The following MCPH1 variants were observed in gnomAD, a reference collection of about 807,000 sequenced individuals.
MCPH1 encodes microcephalin 1.
In MCPH1, 104 loss-of-function variants were observed where a neutral mutation model predicts 84.5. That is an observed-to-expected ratio of 1.23 (90% CI 1.05 to 1.45). The LOEUF (loss-of-function observed/expected upper bound fraction) is 1.45, where lower values mean the gene tolerates loss of function less well. Ranked by LOEUF, MCPH1 falls within the 40% of genes most tolerant of loss-of-function variation. The probability of loss-of-function intolerance (pLI) is 0.00; values close to 1 mark genes in which losing one functional copy is unlikely to be tolerated. For missense variants in MCPH1, 1,498 were observed against 1,005.7 expected (o/e 1.49, Z -6.62); for synonymous variants, 514 against 366.8 (o/e 1.40, Z -4.58).
At chr8:6,566,573 T>C (rs1448564985) in intron 12 of MCPH1, among the ~76,000 whole-genome samples, 1 of 152,110 alleles carries the variant, frequency 6.6e-6, no homozygotes, top group Admixed American at 6.5e-5. Flanking sequence ...ACGGTGACCA[T>C]GTGTGATCAG....
intron 12 of MCPH1, among the ~76,000 whole-genome samples, chr8:6,617,824 G>A (rs1200026261): frequency 2.0e-5 from 3 of 152,040 alleles, no homozygotes; most frequent in Non-Finnish European, 2.9e-5. Flanking sequence ...CTATAGGCAT[G>A]TGACACCATG....
chr8:6,562,908 C>G (rs760933327), intron 12 of MCPH1: 2 of 1,598,252 alleles, frequency 1.3e-6, no homozygotes, highest in East Asian at 4.5e-5. Flanking sequence ...GATCACAGCT[C>G]AGAGTAAAGA....
chr8:6,526,363 G>C (rs1818338605), intron 12 of MCPH1, among the ~76,000 whole-genome samples: 1 of 151,590 alleles, frequency 6.6e-6, no homozygotes, highest in Non-Finnish European at 1.5e-5. Context: ...GAGCCCAGGA[G>C]GTTGAGGATG....
rs1402984976 is a variant in MCPH1, at chr8:6,644,056, G to A, written c.*1007G>A. 6.6e-6 allele frequency: 1 copy of A among 152,294 alleles called. No homozygotes were observed. The highest frequency in any genetic ancestry group is 1.5e-5 in the Non-Finnish European group (1 of 68,134). The allele number at this position is 152,294 out of a possible 1,614,324, so 9.4% of individuals were successfully genotyped here. A position where few individuals can be genotyped will look rare whatever the true frequency, so the allele number is the denominator to read the frequency against. On this transcript the variant is annotated 3_prime_UTR_variant, in exon 14 of 14. Transcript: ENST00000344683. ...ACTTGAGGTCAGGAGTTCGAGACCAGCCTGACCAACGCAGCAAAACCCATC... is the reference window on the plus strand; with the variant it reads ...ACTTGAGGTCAGGAGTTCGAGACCAACCTGACCAACGCAGCAAAACCCATC...
rs1387377722 is a variant in MCPH1, at chr8:6,489,721, G to A, written c.2136+8845G>A. ...TGGGGCACTGTGAAGTGTGACTCGAGCCTTCTCGTGTTGCCAACTGCAACA... is the reference window on the plus strand; with the variant it reads ...TGGGGCACTGTGAAGTGTGACTCGAACCTTCTCGTGTTGCCAACTGCAACA... On this transcript the variant is annotated intron_variant, in intron 11 of 13. Coordinates refer to ENST00000344683, the MANE Select transcript of MCPH1 (RefSeq NM_024596.5). Among the ~76,000 whole-genome samples, 4 of 152,306 alleles carry A rather than the reference G, an allele frequency of 2.6e-5. 1 individual carries two copies. In the East Asian group the frequency reaches 5.8e-4, roughly 22 times the overall value.
At position 6,644,906 on chromosome 8, in the gene MCPH1, T is replaced by A. The variant is rs1393357176; in HGVS notation, c.*1857T>A. ...AGAAACTGGAAATAATGAAGGGTTG[T>A]CTCTTGGTTTTAAAATAATGTATAC... is the stretch of plus-strand genomic sequence containing the variant. On this transcript the variant is annotated 3_prime_UTR_variant, in exon 14 of 14. Transcript: ENST00000344683. 6.6e-6 allele frequency: 1 copy of A among 152,180 alleles called. No homozygotes were observed. Among genetic ancestry groups the A allele is most frequent in the African/African-American group, 2.4e-5 (1 of 41,430 alleles). 9.4% of individuals were successfully genotyped at this position (152,180 alleles called of 1,614,324 possible). A position where few individuals can be genotyped will look rare whatever the true frequency, so the allele number is the denominator to read the frequency against.
intron 12 of MCPH1, among the ~76,000 whole-genome samples, chr8:6,607,612 ATGGGAGGGAACCAG>A (rs781426700): frequency 4.9e-4 from 75 of 152,304 alleles, no homozygotes; most frequent in South Asian, 2.3e-3. Flanking sequence ...CCCATGTGTT[ATGGGAGGGAACCAG>A]TGGGAGATAA....
At chr8:6,448,864 C>G (rs903065689) in intron 8 of MCPH1, among the ~76,000 whole-genome samples, 1 of 151,980 alleles carries the variant, frequency 6.6e-6, no homozygotes, top group African/African-American at 2.4e-5. Context: ...GAGACCAAAT[C>G]GAGGTATGTA....
Position 6,570,802 on chromosome 8 carries a change from TG to T in MCPH1, c.2215-50651del, listed in dbSNP as rs1316861910. The stretch of plus-strand genomic sequence containing the variant: ...ATGACATTTGGAGCAGATGGATTGT[TG>T]TTTTTTTTTTTTTTTTTTTTTTTAA... On this transcript the variant is annotated intron_variant, in intron 12 of 13. Coordinates refer to ENST00000344683, the MANE Select transcript of MCPH1 (RefSeq NM_024596.5). Among the ~76,000 whole-genome samples, 505 of 83,426 alleles carry T rather than the reference TG, an allele frequency of 6.1e-3. 1 individual carries two copies. The highest frequency in any genetic ancestry group is 0.027 in the African/African-American group (457 of 16,700). The allele number at this position is 83,426 out of a possible 152,430, so 54.7% of individuals were successfully genotyped here.
rs146833144 is a variant in MCPH1, at chr8:6,590,502, G to A, written c.2215-30952G>A. On this transcript the variant is annotated intron_variant, in intron 12 of 13. Transcript: ENST00000344683. ...CTCAAACTCATGTCAGATGCCCCTC[G>A]GCCACTAGACAGAATCTGCTGCTAT... is the stretch of plus-strand genomic sequence containing the variant. 5.4e-4 allele frequency among the ~76,000 whole-genome samples: 82 copies of A among 152,196 alleles called. No individual in the cohort carries two copies. In the East Asian group the frequency reaches 0.01, roughly 19 times the overall value.
chr8:6,483,964 T>G (rs1053538749), intron 11 of MCPH1, among the ~76,000 whole-genome samples: 5 of 152,018 alleles, frequency 3.3e-5, no homozygotes, highest in African/African-American at 1.2e-4. Flanking sequence ...TAGACAAAAT[T>G]TAAAGGTATA....
intron 9 of MCPH1, among the ~76,000 whole-genome samples, chr8:6,466,078 C>T (rs1416680479): frequency 6.6e-6 from 1 of 151,646 alleles, no homozygotes; most frequent in Non-Finnish European, 1.5e-5. Context: ...CCTCAGCCTC[C>T]CGAGTAGCTG....
At chr8:6,587,487 A>G (rs893305129) in intron 12 of MCPH1, among the ~76,000 whole-genome samples, 13 of 152,192 alleles carry the variant, frequency 8.5e-5, no homozygotes, top group Non-Finnish European at 1.6e-4. Flanking sequence ...CCCTACACTG[A>G]AGATATAGAA....
intron 12 of MCPH1, among the ~76,000 whole-genome samples, chr8:6,596,678 T>C (rs1196132138): frequency 6.6e-6 from 1 of 152,068 alleles, no homozygotes; most frequent in Non-Finnish European, 1.5e-5. Context: ...TATTACGGCA[T>C]TGGGCTTTGT....
intron 12 of MCPH1, among the ~76,000 whole-genome samples, chr8:6,591,013 C>A (rs1236025368): frequency 6.6e-6 from 1 of 152,248 alleles, no homozygotes; most frequent in Admixed American, 6.5e-5. Flanking sequence ...GTAATTCTGC[C>A]TCAGCCTCCC....
intron 12 of MCPH1, among the ~76,000 whole-genome samples, chr8:6,571,247 C>T (rs1053909724): frequency 6.6e-6 from 1 of 151,350 alleles, no homozygotes; most frequent in Non-Finnish European, 1.5e-5. Context: ...TGTTTTCTCC[C>T]TGTAGAATGA....
At chr8:6,508,326 A>G (rs1480724445) in intron 12 of MCPH1, 1 of 152,796 alleles carries the variant, frequency 6.5e-6, no homozygotes, top group Non-Finnish European at 1.5e-5. Flanking sequence ...GTGGGCGCCT[A>G]TAATCCCAGC....
chr8:6,569,571 C>T (rs772141914), intron 12 of MCPH1, among the ~76,000 whole-genome samples: 6 of 152,156 alleles, frequency 3.9e-5, no homozygotes, highest in Non-Finnish European at 7.3e-5. Flanking sequence ...TAAACACACA[C>T]GTATAAACAT....
chr8:6,494,916 A>C (rs943759785), intron 11 of MCPH1, among the ~76,000 whole-genome samples: 1 of 151,844 alleles, frequency 6.6e-6, no homozygotes, highest in Non-Finnish European at 1.5e-5. Context: ...ACCTCACTTA[A>C]AAAAAGTCAT....
Sources: allele counts gnomAD v4.1 joint callset (sites outside exome capture counted in the v4.1 genomes callset), GRCh38; gene constraint gnomAD v4.1.1; transcripts MANE v1.5; gene names NCBI Gene and HGNC (gene_info 2026-07-23, HGNC 2026-07-21).